The following UBE2E2 variants were observed in gnomAD, a reference collection of about 807,000 sequenced individuals.
UBE2E2 encodes the protein ubiquitin conjugating enzyme E2 E2, also known as ubiquitin-conjugating enzyme E2 E2.
In UBE2E2, 6 loss-of-function variants were observed where a neutral mutation model predicts 24.7. The ratio of observed to expected loss-of-function variants is 0.24; its 90% CI spans 0.13 to 0.48. UBE2E2 has a LOEUF of 0.48. Ranked by LOEUF, UBE2E2 falls within the 20% of genes least tolerant of loss-of-function variation. UBE2E2 has a pLI of 0.99. For synonymous variants in UBE2E2, 104 were observed against 83.6 expected, an observed-to-expected ratio of 1.24 and a Z score of -1.33; for missense variants, 169 against 245.0, an observed-to-expected ratio of 0.69 and a Z score of 2.07.
At chr3:23,217,424 T>C in intron 3 of UBE2E2, 112 bp downstream of exon 3, 1 of 992,028 alleles carries the variant, frequency 1.0e-6, no homozygotes, top group South Asian at 1.4e-5. Flanking sequence ...AAAACATCAT[T>C]GTTGTTTGAA....
At chr3:23,305,887 G>T (rs1408668719) in intron 3 of UBE2E2, among the ~76,000 whole-genome samples, 4 of 152,106 alleles carry the variant, frequency 2.6e-5, no homozygotes, top group Admixed American at 2.6e-4. Flanking sequence ...GAGCCACAGT[G>T]CCCAAACCCT....
intron 3 of UBE2E2, among the ~76,000 whole-genome samples, chr3:23,429,770 C>T (rs185293427): frequency 8.6e-4 from 131 of 152,066 alleles, no homozygotes; most frequent in Admixed American, 1.8e-3. Context: ...TGTAGAAAAC[C>T]GAAAAGAATC....
chr3:23,525,990 G>A (rs1204000837), intron 4 of UBE2E2, among the ~76,000 whole-genome samples: 1 of 152,122 alleles, frequency 6.6e-6, no homozygotes, highest in South Asian at 2.1e-4. Context: ...TTCCTTATCA[G>A]TTTGCAAGTA....
At chr3:23,249,220 C>T (rs1448262702) in intron 3 of UBE2E2, among the ~76,000 whole-genome samples, 1 of 150,184 alleles carries the variant, frequency 6.7e-6, no homozygotes, top group South Asian at 2.1e-4. Flanking sequence ...TTCAGTGAGC[C>T]GAGATTGCAC....
At chr3:23,499,892 A>T in intron 4 of UBE2E2, 152 bp downstream of exon 4, 1 of 994,378 alleles carries the variant, frequency 1.0e-6, no homozygotes, top group Non-Finnish European at 1.3e-6. Context: ...GAAACAATGT[A>T]AAAAATTGTA....
At chr3:23,273,240 C>T (rs1360074406) in intron 3 of UBE2E2, among the ~76,000 whole-genome samples, 1 of 152,122 alleles carries the variant, frequency 6.6e-6, no homozygotes, top group Non-Finnish European at 1.5e-5. Context: ...GAAACTGCAA[C>T]TTTAAGAGAA....
chr3:23,525,366 A>C (rs1694970268), intron 4 of UBE2E2, among the ~76,000 whole-genome samples: 1 of 152,202 alleles, frequency 6.6e-6, no homozygotes, highest in Non-Finnish European at 1.5e-5. Context: ...CCACACATGC[A>C]GGTGTTGGGT....
At chr3:23,498,566 T>C (rs548354946) in intron 3 of UBE2E2, among the ~76,000 whole-genome samples, 9 of 152,214 alleles carry the variant, frequency 5.9e-5, no homozygotes, top group Non-Finnish European at 1.3e-4. Context: ...CTCCCTCCAT[T>C]TATTTAACTC....
At chr3:23,225,638 T>A (rs73821298) in intron 3 of UBE2E2, among the ~76,000 whole-genome samples, 1,952 of 152,328 alleles carry the variant, frequency 0.013, 36 homozygotes, top group African/African-American at 0.042. Context: ...ATTCTCAATT[T>A]GGTTCCATTG....
chr3:23,227,543 G>T (rs1320822726), intron 3 of UBE2E2, among the ~76,000 whole-genome samples: 1 of 152,164 alleles, frequency 6.6e-6, no homozygotes, highest in African/African-American at 2.4e-5. Context: ...TGAATTATTT[G>T]TATCCATCTC....
rs142069298 is a variant in UBE2E2, at chr3:23,395,570, A to G, written c.228-104038A>G. Among the ~76,000 whole-genome samples the G allele has an allele frequency of 2.4e-4, 36 of 152,282 alleles. No homozygotes were observed. In the East Asian group the frequency reaches 6.9e-3, roughly 29 times the overall value. On this transcript the variant is annotated intron_variant, in intron 3 of 5. Coordinates refer to ENST00000396703, the MANE Select transcript of UBE2E2 (RefSeq NM_152653.4). ...TCTAGTAGACTTTTGAGCTGAGTTC[A>G]TCCTTCTGGTTTGTTGACTCCTCAC...
chr3:23,327,541 A>G (rs554573717), intron 3 of UBE2E2, among the ~76,000 whole-genome samples: 1 of 152,236 alleles, frequency 6.6e-6, no homozygotes, highest in South Asian at 2.1e-4. Flanking sequence ...ACTAGGACAA[A>G]TACTTGTATC....
chr3:23,461,983 T>C (rs2125426175), intron 3 of UBE2E2, among the ~76,000 whole-genome samples: 1 of 152,326 alleles, frequency 6.6e-6, no homozygotes, highest in East Asian at 1.9e-4. Context: ...TCTGGTTGCA[T>C]TGTAAACTTG....
chr3:23,285,024 C>T (rs1444119270), intron 3 of UBE2E2, among the ~76,000 whole-genome samples: 1 of 151,496 alleles, frequency 6.6e-6, no homozygotes, highest in African/African-American at 2.4e-5. Context: ...CACCCCATGC[C>T]TCCCACTACT....
chr3:23,404,586 G>T (rs1697313044), intron 3 of UBE2E2, among the ~76,000 whole-genome samples: 1 of 152,120 alleles, frequency 6.6e-6, no homozygotes, highest in Non-Finnish European at 1.5e-5. Context: ...TAAGTAACAG[G>T]TTAAGACTGT....
chr3:23,409,686 G>T (rs1289078786), intron 3 of UBE2E2, among the ~76,000 whole-genome samples: 1 of 152,140 alleles, frequency 6.6e-6, no homozygotes, highest in Non-Finnish European at 1.5e-5. Flanking sequence ...TAAAACAAAA[G>T]AAATTTATTC....
At chr3:23,261,174 A>ATTT (rs373005556) in intron 3 of UBE2E2, among the ~76,000 whole-genome samples, 9 of 146,382 alleles carry the variant, frequency 6.1e-5, no homozygotes, top group African/African-American at 2.2e-4. Flanking sequence ...CTGTGGTAGA[A>ATTT]TTTTTTTTTT....
intron 2 of UBE2E2, among the ~76,000 whole-genome samples, chr3:23,215,268 A>G (rs889517785): frequency 2.6e-5 from 4 of 152,114 alleles, no homozygotes; most frequent in East Asian, 1.9e-4. Flanking sequence ...CTAACAACCA[A>G]TCTTCTATGC....
At chr3:23,347,865 G>T (rs1695609367) in intron 3 of UBE2E2, among the ~76,000 whole-genome samples, 1 of 151,582 alleles carries the variant, frequency 6.6e-6, no homozygotes, top group Admixed American at 6.6e-5. Context: ...GAAAAGAAAA[G>T]AAAATATCTT....
Sources: gnomAD v4.1 joint callset for allele counts (sites outside exome capture counted in the v4.1 genomes callset) on GRCh38, gnomAD v4.1.1 for gene constraint, MANE v1.5 for transcripts, NCBI Gene and HGNC (gene_info 2026-07-23, HGNC 2026-07-21) for gene names.